Variants in CXADR observed in about 807,000 individuals in gnomAD.
CXADR encodes the protein CXADR cell adhesion molecule, also known as coxsackievirus and adenovirus receptor.
A neutral mutation model predicts 40.3 loss-of-function variants in CXADR; 20 were observed. The observed-to-expected ratio is 0.50, with a 90% CI of 0.35 to 0.72. The LOEUF (loss-of-function observed/expected upper bound fraction) is 0.72. Among genes scored for constraint, CXADR ranks in the 30% least tolerant of loss-of-function variants. The pLI is 0.01. For missense variants in CXADR, 332 were observed against 449.1 expected, an observed-to-expected ratio of 0.74 and a Z score of 2.36; for synonymous variants, 150 against 161.3, an observed-to-expected ratio of 0.93 and a Z score of 0.53.
the CXADR span, among the ~76,000 whole-genome samples, chr21:17,634,427 C>T: frequency 2.6e-5 from 4 of 152,144 alleles, no homozygotes; most frequent in Non-Finnish European, 5.9e-5. Flanking sequence ...GGGCTCTTTT[C>T]GGAGTAAAAT....
chr21:17,618,630 T>C, the CXADR span, among the ~76,000 whole-genome samples: 1 of 152,206 alleles, frequency 6.6e-6, no homozygotes, highest in South Asian at 2.1e-4. Context: ...CTTTGCCTCC[T>C]GGTTAAAGCA....
At chr21:17,631,841 A>C in the CXADR span, among the ~76,000 whole-genome samples, 1 of 152,164 alleles carries the variant, frequency 6.6e-6, no homozygotes, top group Non-Finnish European at 1.5e-5. Context: ...ATGACAATTA[A>C]AGGAAGATGA....
At chr21:17,540,342 A>G (rs944688227) in intron 1 of CXADR, among the ~76,000 whole-genome samples, 5 of 152,152 alleles carry the variant, frequency 3.3e-5, no homozygotes, top group African/African-American at 7.2e-5. Context: ...CTATTAATAT[A>G]TTTATTAGTA....
chr21:17,579,466 A>G (rs1447366693), intron 7 of CXADR, among the ~76,000 whole-genome samples: 1 of 151,976 alleles, frequency 6.6e-6, no homozygotes, highest in African/African-American at 2.4e-5. Flanking sequence ...TTGTATTTTT[A>G]GTAGAGACGG....
Position 17,561,540 on chromosome 21 carries a change from C to T in CXADR, c.833+64C>T, listed in dbSNP as rs535178575. 59 of 1,401,808 alleles carry T rather than the reference C, an allele frequency of 4.2e-5. 1 individual carries two copies. The South Asian group carries it at 5.8e-4, about 14-fold the overall frequency. The allele number at this position is 1,401,808 out of a possible 1,614,324, so 86.8% of individuals were successfully genotyped here. A position where few individuals can be genotyped will look rare whatever the true frequency, so the allele number is the denominator to read the frequency against. On this transcript the variant is annotated intron_variant, in intron 6 of 6. Coordinates refer to ENST00000284878, the MANE Select transcript of CXADR (RefSeq NM_001338.5). Reference sequence around the variant, plus strand: ...ATATATGTCATTTCTCTAAAGCATTCGTTCTCTTATTAACCACCCAAAGCA... The same window carrying T: ...ATATATGTCATTTCTCTAAAGCATTTGTTCTCTTATTAACCACCCAAAGCA...
At chr21:17,633,546 C>A in the CXADR span, among the ~76,000 whole-genome samples, 4 of 152,136 alleles carry the variant, frequency 2.6e-5, no homozygotes, top group African/African-American at 9.7e-5. Context: ...CAAAGCAAGA[C>A]CCCTCAAAAA....
Position 17,566,429 on chromosome 21 carries a change from A to G in CXADR, c.*737A>G, listed in dbSNP as rs1159440375. 8 of 985,448 alleles carry G rather than the reference A, an allele frequency of 8.1e-6. No individual in the cohort carries two copies. In the East Asian group the frequency reaches 7.9e-4, roughly 98 times the overall value. The allele number at this position is 985,448 out of a possible 1,614,324, so 61.0% of individuals were successfully genotyped here. A position where few individuals can be genotyped will look rare whatever the true frequency, so the allele number is the denominator to read the frequency against. On this transcript the variant is annotated 3_prime_UTR_variant, in exon 7 of 7. Coordinates refer to ENST00000284878, the MANE Select transcript of CXADR (RefSeq NM_001338.5). The stretch of plus-strand genomic sequence containing the variant: ...TTGCTGTCAGCCACATATTGAGATG[A>G]CACTAGGTGCAATAGCAGGGATAGA...
intron 1 of CXADR, among the ~76,000 whole-genome samples, chr21:17,520,770 G>A (rs1240642982): frequency 6.6e-6 from 1 of 152,166 alleles, no homozygotes; most frequent in East Asian, 1.9e-4. Flanking sequence ...AGATAGTAGT[G>A]GAACCTGATG....
the CXADR span, chr21:17,609,147 T>A: frequency 6.2e-7 from 1 of 1,605,164 alleles, no homozygotes; most frequent in Non-Finnish European, 8.5e-7. Context: ...TTCTTCATTT[T>A]TTTCCCTGCA....
intron 1 of CXADR, chr21:17,518,586 C>T (rs2123104727): frequency 1.6e-6 from 2 of 1,283,602 alleles, no homozygotes; most frequent in East Asian, 4.6e-5. Context: ...CATCATCCTC[C>T]TCATCAGTGT....
chr21:17,547,318 C>A, intron 2 of CXADR, 125 bp downstream of exon 2: 1 of 1,362,872 alleles, frequency 7.3e-7, no homozygotes, highest in Non-Finnish European at 9.9e-7. Flanking sequence ...ACTTCTCAGG[C>A]TTTATGGTCT....
In CXADR at chr21:17,566,151, A is replaced by G; in HGVS notation, c.*459A>G. The G allele has an allele frequency of 1.8e-5, 18 of 984,884 alleles. No homozygotes were observed. Among genetic ancestry groups the G allele is most frequent in the Non-Finnish European group, 2.2e-5 (18 of 829,342 alleles). The allele number at this position is 984,884 out of a possible 1,614,324, so 61.0% of individuals were successfully genotyped here. ...CCCCCAAATTAGTACAGAAATATCC[A>G]TGACAAAATTACTTACGTATGTTTG... On this transcript the variant is annotated 3_prime_UTR_variant, in exon 7 of 7. Coordinates refer to ENST00000284878, the MANE Select transcript of CXADR (RefSeq NM_001338.5).
chr21:17,516,357 G>C (rs1418814936), intron 1 of CXADR, among the ~76,000 whole-genome samples: 1 of 152,164 alleles, frequency 6.6e-6, no homozygotes, highest in Non-Finnish European at 1.5e-5. Context: ...AGAACCTACT[G>C]TTGGTTTGAC....
At chr21:17,598,828 A>G in the CXADR span, 78 of 1,602,372 alleles carry the variant, frequency 4.9e-5, 1 homozygote, top group African/African-American at 7.3e-4. Context: ...TCCATACCTA[A>G]GAATAAAATT....
the CXADR span, chr21:17,605,097 T>A: frequency 7.6e-7 from 1 of 1,316,848 alleles, no homozygotes; most frequent in Non-Finnish European, 1.0e-6. Flanking sequence ...AAAATAGTAA[T>A]AAAAAAATAC....
chr21:17,555,300 T>C (rs117951555), intron 3 of CXADR, among the ~76,000 whole-genome samples: 1,837 of 152,326 alleles, frequency 0.012, 17 homozygotes, highest in Middle Eastern at 0.037. Context: ...GTGTAGTGGC[T>C]CAGTCATCAC....
chr21:17,542,076 AT>A (rs1440534309), intron 1 of CXADR: 1 of 337,878 alleles, frequency 3.0e-6, no homozygotes, highest in Non-Finnish European at 5.8e-6. Flanking sequence ...GTATAGTTAA[AT>A]TTTTGTCTTC....
At chr21:17,550,351 C>A (rs1348734362) in intron 2 of CXADR, among the ~76,000 whole-genome samples, 126 of 130,714 alleles carry the variant, frequency 9.6e-4, no homozygotes, top group East Asian at 1.8e-3. Flanking sequence ...AAGACTGTCT[C>A]AAAAAAAAAA....
At chr21:17,522,857 A>G (rs947831267) in intron 1 of CXADR, among the ~76,000 whole-genome samples, 1 of 152,010 alleles carries the variant, frequency 6.6e-6, no homozygotes, top group Non-Finnish European at 1.5e-5. Flanking sequence ...CATCCACTTA[A>G]TGTCTCTACA....
Sources: allele counts gnomAD v4.1 joint callset (sites outside exome capture counted in the v4.1 genomes callset), GRCh38; gene constraint gnomAD v4.1.1; transcripts MANE v1.5; gene names NCBI Gene and HGNC (gene_info 2026-07-23, HGNC 2026-07-21).